The following CCDC6 variants were observed in gnomAD, a reference collection of about 807,000 sequenced individuals.
CCDC6 encodes coiled-coil domain containing 6.
A neutral mutation model predicts 56.6 loss-of-function variants in CCDC6; 20 were observed. The ratio of observed to expected loss-of-function variants is 0.35; its 90% CI spans 0.25 to 0.51. The LOEUF (loss-of-function observed/expected upper bound fraction) is 0.51. Among genes scored for constraint, CCDC6 ranks in the 20% least tolerant of loss-of-function variants. The pLI is 0.95. For missense variants in CCDC6, 367 were observed against 601.1 expected (o/e 0.61, Z 4.07); for synonymous variants, 241 against 234.4 (o/e 1.03, Z -0.26).
At chr10:59,821,720 A>G (rs955673452) in intron 3 of CCDC6, among the ~76,000 whole-genome samples, 2 of 152,310 alleles carry the variant, frequency 1.3e-5, no homozygotes, top group Admixed American at 1.3e-4. Flanking sequence ...CCTAGACTAG[A>G]AGATCAAAGT....
Position 59,790,896 on chromosome 10 carries a change from T to G in CCDC6, c.*2021A>C. 1 of 207,172 alleles carries G rather than the reference T, an allele frequency of 4.8e-6. No homozygotes were observed. 12.8% of individuals were successfully genotyped at this position (207,172 alleles called of 1,614,324 possible). ...AAGATCATTCCATTATGGACTTTCT[T>G]GTTTGGGTGCAAGACACTATCCACA... is the stretch of plus-strand genomic sequence containing the variant. On this transcript the variant is annotated 3_prime_UTR_variant, in exon 9 of 9. Coordinates refer to ENST00000263102, the MANE Select transcript of CCDC6 (RefSeq NM_005436.5).
chr10:59,875,732 G>A (rs1361969478), intron 1 of CCDC6, among the ~76,000 whole-genome samples: 1 of 152,190 alleles, frequency 6.6e-6, no homozygotes, highest in Non-Finnish European at 1.5e-5. Context: ...TGATTCTGGA[G>A]AATGCAAAGG....
intron 1 of CCDC6, among the ~76,000 whole-genome samples, chr10:59,904,292 T>A (rs1429363704): frequency 6.6e-6 from 1 of 152,186 alleles, no homozygotes; most frequent in Non-Finnish European, 1.5e-5. Flanking sequence ...ATGAACACAT[T>A]TGTTCCTGCA....
chr10:59,897,402 C>T (rs2071471750), intron 1 of CCDC6, among the ~76,000 whole-genome samples: 1 of 151,994 alleles, frequency 6.6e-6, no homozygotes, highest in East Asian at 1.9e-4. Context: ...TACAGGCATG[C>T]ACCACCATGC....
At chr10:59,861,843 C>A (rs565993000) in intron 1 of CCDC6, among the ~76,000 whole-genome samples, 1 of 152,268 alleles carries the variant, frequency 6.6e-6, no homozygotes, top group Non-Finnish European at 1.5e-5. Flanking sequence ...ATCAAATGGT[C>A]CAACAATTCT....
intron 1 of CCDC6, among the ~76,000 whole-genome samples, chr10:59,859,090 T>C (rs1169570470): frequency 2.0e-5 from 3 of 152,096 alleles, no homozygotes; most frequent in African/African-American, 7.3e-5. Context: ...CCTAGTGCCT[T>C]GCATGTGTTA....
At chr10:59,808,758 T>A (rs1057110470) in intron 5 of CCDC6, among the ~76,000 whole-genome samples, 1 of 152,168 alleles carries the variant, frequency 6.6e-6, no homozygotes, top group Non-Finnish European at 1.5e-5. Flanking sequence ...TCAATGCCCA[T>A]CAAATTAGTT....
At chr10:59,875,551 A>C (rs371801643) in intron 1 of CCDC6, among the ~76,000 whole-genome samples, 1 of 152,242 alleles carries the variant, frequency 6.6e-6, no homozygotes, top group South Asian at 2.1e-4. Context: ...CACCTCAAGC[A>C]CTAGCAGTTC....
At chr10:59,857,397 G>A (rs778951443) in intron 1 of CCDC6, among the ~76,000 whole-genome samples, 2 of 152,184 alleles carry the variant, frequency 1.3e-5, no homozygotes, top group Non-Finnish European at 2.9e-5. Context: ...TAATGTGATT[G>A]TTTATAGTGT....
intron 2 of CCDC6, among the ~76,000 whole-genome samples, 182 bp from the exon 3 acceptor site, chr10:59,832,835 A>C (rs1010905742): frequency 6.6e-6 from 1 of 152,262 alleles, no homozygotes; most frequent in African/African-American, 2.4e-5. Flanking sequence ...ACTTAAAACC[A>C]AAAGTCATAG....
chr10:59,846,090 T>C (rs545293316), intron 2 of CCDC6, among the ~76,000 whole-genome samples: 1 of 152,318 alleles, frequency 6.6e-6, no homozygotes, highest in South Asian at 2.1e-4. Context: ...ATTGGGAGTC[T>C]ATACTCACTT....
At position 59,790,103 on chromosome 10, in the gene CCDC6, T is replaced by C. The variant is rs1280029870; in HGVS notation, c.*2814A>G. ...ATTCTGTCTAGAGTGCTAGCATGCT[T>C]GATGAGAGAAAGCAGTTCAGAGCCC... On this transcript the variant is annotated 3_prime_UTR_variant, in exon 9 of 9. Transcript: ENST00000263102. 4.7e-6 allele frequency: 1 copy of C among 213,806 alleles called. No homozygotes were observed. The highest frequency in any genetic ancestry group is 2.3e-5 in the African/African-American group (1 of 44,246). The allele number at this position is 213,806 out of a possible 1,614,324, so 13.2% of individuals were successfully genotyped here. A position where few individuals can be genotyped will look rare whatever the true frequency, so the allele number is the denominator to read the frequency against.
At chr10:59,882,027 G>GGC (rs2071341615) in intron 1 of CCDC6, among the ~76,000 whole-genome samples, 7 of 99,996 alleles carry the variant, frequency 7.0e-5, no homozygotes, top group South Asian at 6.9e-4. Context: ...GGAAAGCCGC[G>GGC]GGGAGAAGGA....
chr10:59,834,629 G>A (rs1284990478), intron 2 of CCDC6, among the ~76,000 whole-genome samples: 1 of 151,648 alleles, frequency 6.6e-6, no homozygotes, highest in Admixed American at 6.6e-5. Flanking sequence ...TGGAAATATT[G>A]ACTAAATAGA....
chr10:59,839,465 C>T (rs890183286), intron 2 of CCDC6, among the ~76,000 whole-genome samples: 8 of 152,118 alleles, frequency 5.3e-5, no homozygotes, highest in South Asian at 2.1e-4. Context: ...AGCAAAACAA[C>T]GGTTGGGGGT....
chr10:59,822,801 C>T (rs2070758415), intron 3 of CCDC6, among the ~76,000 whole-genome samples: 1 of 152,082 alleles, frequency 6.6e-6, no homozygotes, highest in Admixed American at 6.5e-5. Context: ...AAGCCTGAAA[C>T]CACAGTCCAA....
intron 7 of CCDC6, among the ~76,000 whole-genome samples, 158 bp from the exon 8 acceptor site, chr10:59,794,755 G>A (rs2070498874): frequency 6.6e-6 from 1 of 152,058 alleles, no homozygotes; most frequent in South Asian, 2.1e-4. Flanking sequence ...GATAACAAGG[G>A]AAATAAATGT....
chr10:59,799,960 T>C (rs2070558785), intron 7 of CCDC6, among the ~76,000 whole-genome samples: 1 of 152,236 alleles, frequency 6.6e-6, no homozygotes, highest in Non-Finnish European at 1.5e-5. Flanking sequence ...TGATGCACTT[T>C]AGCTCATTAA....
chr10:59,817,532 C>CCCAATT (rs1167015069), intron 3 of CCDC6, among the ~76,000 whole-genome samples: 3 of 152,032 alleles, frequency 2.0e-5, no homozygotes, highest in Non-Finnish European at 4.4e-5. Context: ...CTTTAAGGAT[C>CCCAATT]CCAATTCCAG....
Sources: allele counts gnomAD v4.1 joint callset (sites outside exome capture counted in the v4.1 genomes callset), GRCh38; gene constraint gnomAD v4.1.1; transcripts MANE v1.5; gene names NCBI Gene and HGNC (gene_info 2026-07-23, HGNC 2026-07-21).